The following MON2 variants were observed in gnomAD, a reference collection of about 807,000 sequenced individuals.
MON2 encodes the protein MON2 regulator of endosome-to-Golgi trafficking.
A neutral mutation model predicts 208.6 loss-of-function variants in MON2; 84 were observed. The ratio of observed to expected loss-of-function variants is 0.40; its 90% CI spans 0.34 to 0.48. The LOEUF (loss-of-function observed/expected upper bound fraction) is 0.48, where lower values mean the gene tolerates loss of function less well. Among genes scored for constraint, MON2 ranks in the 20% least tolerant of loss-of-function variants. The probability of loss-of-function intolerance (pLI) is 0.59; values close to 1 mark genes in which losing one functional copy is unlikely to be tolerated. For synonymous variants in MON2, 660 were observed against 694.0 expected, an observed-to-expected ratio of 0.95 and a Z score of 0.77; for missense variants, 1,611 against 2,015.4, an observed-to-expected ratio of 0.80 and a Z score of 3.84.
intron 19 of MON2, among the ~76,000 whole-genome samples, chr12:62,540,067 A>G (rs2073165147): frequency 6.6e-6 from 1 of 152,226 alleles, no homozygotes; most frequent in African/African-American, 2.4e-5. Context: ...ATAATTCTAC[A>G]TATTTGAGAT....
chr12:62,548,542 A>G (rs2073600659), intron 22 of MON2, among the ~76,000 whole-genome samples: 1 of 152,176 alleles, frequency 6.6e-6, no homozygotes, highest in South Asian at 2.1e-4. Context: ...GATGCTTGAG[A>G]ATATTATGGA....
rs1311210221 is a variant in MON2 at position 62,595,336 on chromosome 12, G to C, written c.*2587G>C. On this transcript the variant is annotated 3_prime_UTR_variant, in exon 35 of 35. Coordinates refer to ENST00000393630, the MANE Select transcript of MON2 (RefSeq NM_015026.3). ...TTTTTAATATTTTTAGTAGAGATGGGGTTTCACCATTTTGGCCATTCTAGT... is the reference window on the plus strand; with the variant it reads ...TTTTTAATATTTTTAGTAGAGATGGCGTTTCACCATTTTGGCCATTCTAGT... 2 of 151,948 alleles carry C rather than the reference G, an allele frequency of 1.3e-5. No homozygotes were observed. Among genetic ancestry groups the C allele is most frequent in the Non-Finnish European group, 2.9e-5 (2 of 67,996 alleles). 9.4% of individuals were successfully genotyped at this position (151,948 alleles called of 1,614,324 possible).
intron 29 of MON2, among the ~76,000 whole-genome samples, chr12:62,568,731 C>T (rs1277418015): frequency 6.6e-6 from 1 of 152,142 alleles, no homozygotes; most frequent in Non-Finnish European, 1.5e-5. Context: ...TCAGTCACTG[C>T]AGTCTCCACC....
intron 2 of MON2, among the ~76,000 whole-genome samples, chr12:62,486,054 G>A (rs1423274042): frequency 2.0e-5 from 3 of 152,094 alleles, no homozygotes; most frequent in African/African-American, 7.2e-5. Flanking sequence ...CTACTGTGGG[G>A]AAATTGGTGT....
Position 62,538,162 on chromosome 12 carries a change from G to A in MON2, c.2185G>A (p.Glu729Lys). ...TGCCTTGAAACCTGGGAGAGCTGTA[G>A]AAGGACCCAGTACAGTAAGCTCTAG... ...GGALKPGRAV[E>K]GPSTVLTTAV... The change falls in exon 17 of 35, where the codon GAA becomes AAA. Residue 729 changes from glutamate (E) to lysine (K), a missense_variant. By Grantham distance (56) the Glu-to-Lys change is moderately conservative. Transcript: ENST00000393630. 6.2e-7 allele frequency: 1 copy of A among 1,613,748 alleles called. No individual in the cohort carries two copies. Among genetic ancestry groups the A allele is most frequent in the Non-Finnish European group, 8.5e-7 (1 of 1,179,788 alleles).
intron 4 of MON2, among the ~76,000 whole-genome samples, chr12:62,495,456 A>AG (rs1465065653): frequency 6.6e-6 from 1 of 152,006 alleles, no homozygotes; most frequent in African/African-American, 2.4e-5. Flanking sequence ...GAAAAAAAAA[A>AG]CATGTTGTAA....
intron 34 of MON2, among the ~76,000 whole-genome samples, chr12:62,592,341 TA>T (rs1470851786): frequency 6.6e-6 from 1 of 152,226 alleles, no homozygotes; most frequent in Non-Finnish European, 1.5e-5. Context: ...AAATACCATT[TA>T]AAATGTACTT....
At chr12:62,538,601 C>T (rs1002316212) in intron 19 of MON2, 96 bp downstream of exon 19, 20 of 835,554 alleles carry the variant, frequency 2.4e-5, no homozygotes, top group Non-Finnish European at 3.4e-5. Context: ...AGAACTAACA[C>T]TCAGATTGTA....
intron 1 of MON2, among the ~76,000 whole-genome samples, chr12:62,481,732 T>A (rs1034716813): frequency 6.6e-6 from 1 of 152,214 alleles, no homozygotes; most frequent in African/African-American, 2.4e-5. Context: ...ATTTGGGACC[T>A]TTCCATTTTC....
chr12:62,496,088 C>T (rs1419687018), intron 4 of MON2, among the ~76,000 whole-genome samples: 1 of 152,062 alleles, frequency 6.6e-6, no homozygotes, highest in Non-Finnish European at 1.5e-5. Flanking sequence ...TAAAGAAGTA[C>T]AGTATACTGT....
chr12:62,585,104 CACACACAA>C (rs1460127875), intron 32 of MON2, among the ~76,000 whole-genome samples, 182 bp from the exon 33 acceptor site: 8 of 40,260 alleles, frequency 2.0e-4, no homozygotes, highest in South Asian at 8.2e-4. Context: ...CACACACACA[CACACACAA>C]AACAAAAAAA....
At chr12:62,500,930 GA>G in intron 6 of MON2, 50 bp downstream of exon 6, 1 of 1,144,592 alleles carries the variant, frequency 8.7e-7, no homozygotes, top group Non-Finnish European at 1.2e-6. Flanking sequence ...AGTTTTGTGT[GA>G]ATTTTTTAGT....
In MON2 at chr12:62,578,430, G is replaced by GTTTT. The variant is rs5798648; in HGVS notation, c.4515-6_4515-3dup. ...AATATTTTATCTTTAAAAATCAAGTGTTTTTTTTTTTTAGCATACCTCCAG... is the reference window on the plus strand; with the variant it reads ...AATATTTTATCTTTAAAAATCAAGTGTTTTTTTTTTTTTTTTAGCATACCTCCAG... On this transcript the variant is annotated splice_polypyrimidine_tract_variant and intron_variant, in intron 30 of 34. Coordinates refer to ENST00000393630, the MANE Select transcript of MON2 (RefSeq NM_015026.3). 25 of 1,130,638 alleles carry GTTTT rather than the reference G, an allele frequency of 2.2e-5. No homozygotes were observed. The highest frequency in any genetic ancestry group is 1.1e-4 in the East Asian group (4 of 35,122). The allele number at this position is 1,130,638 out of a possible 1,614,324, so 70.0% of individuals were successfully genotyped here.
At chr12:62,557,962 A>ATATAT (rs1364201663) in intron 25 of MON2, among the ~76,000 whole-genome samples, 14 of 20,870 alleles carry the variant, frequency 6.7e-4, no homozygotes, top group Admixed American at 1.9e-3. Context: ...ATATATATAT[A>ATATAT]TTTTTTTTTT....
At chr12:62,585,089 ACACACACACACACACACACACAAAAC>A (rs2075158919) in intron 32 of MON2, among the ~76,000 whole-genome samples, 179 bp from the exon 33 acceptor site, 3 of 113,688 alleles carry the variant, frequency 2.6e-5, no homozygotes, top group East Asian at 2.4e-4. Flanking sequence ...ACACACACAC[ACACACACACACACACACACACAAAAC>A]AAAAAAAAAC....
chr12:62,561,559 TG>T (rs1008573313), intron 26 of MON2, among the ~76,000 whole-genome samples: 3 of 152,154 alleles, frequency 2.0e-5, no homozygotes, highest in African/African-American at 7.2e-5. Flanking sequence ...TTTTTCCTCA[TG>T]GTTTTTAAAG....
intron 1 of MON2, among the ~76,000 whole-genome samples, chr12:62,471,678 C>T (rs2068796412): frequency 6.6e-6 from 1 of 151,910 alleles, no homozygotes; most frequent in Admixed American, 6.6e-5. Context: ...GTGAGAATAT[C>T]AGGACTGGAA....
rs77086828 is a variant in MON2, at chr12:62,498,822, T to C, written c.436-97T>C. ...TTATTGTAAATGGTGGGACTTTCCATAATGGTGATTGAAACAACCAAACAT... is the reference window on the plus strand; with the variant it reads ...TTATTGTAAATGGTGGGACTTTCCACAATGGTGATTGAAACAACCAAACAT... On this transcript the variant is annotated intron_variant, in intron 4 of 34. Transcript: ENST00000393630. 1,984 of 1,283,786 alleles carry C rather than the reference T, an allele frequency of 1.5e-3. 42 individuals are homozygous for C. In the East Asian group the frequency reaches 0.045, roughly 29 times the overall value. The allele number at this position is 1,283,786 out of a possible 1,614,324, so 79.5% of individuals were successfully genotyped here. A position where few individuals can be genotyped will look rare whatever the true frequency, so the allele number is the denominator to read the frequency against.
intron 25 of MON2, among the ~76,000 whole-genome samples, chr12:62,558,287 A>AT (rs931552271): frequency 6.6e-6 from 1 of 151,714 alleles, no homozygotes; most frequent in Non-Finnish European, 1.5e-5. Flanking sequence ...CTAGATTTAG[A>AT]TTTTTTTTAA....
Sources: gnomAD v4.1 joint callset for allele counts (sites outside exome capture counted in the v4.1 genomes callset) on GRCh38, gnomAD v4.1.1 for gene constraint, MANE v1.5 for transcripts, NCBI Gene and HGNC (gene_info 2026-07-23, HGNC 2026-07-21) for gene names.